Variants in COL24A1 observed in about 807,000 individuals in gnomAD.
The protein encoded by COL24A1 is collagen type XXIV alpha 1 chain, also known as collagen alpha-1(XXIV) chain.
COL24A1 carries 224 observed loss-of-function variants against 253.9 expected under a neutral mutation model. That is an observed-to-expected ratio of 0.88 (90% CI 0.79 to 0.99). COL24A1 has a LOEUF of 0.99. COL24A1 is among the 50% of genes least tolerant of loss of function. The probability of loss-of-function intolerance (pLI) is 0.00; values close to 1 mark genes in which losing one functional copy is unlikely to be tolerated. For missense variants in COL24A1, 2,131 were observed against 2,068.5 expected (o/e 1.03, Z -0.59); for synonymous variants, 685 against 673.7 (o/e 1.02, Z -0.26).
At chr1:86,112,871 C>T (rs1017415337) in intron 4 of COL24A1, among the ~76,000 whole-genome samples, 4 of 152,178 alleles carry the variant, frequency 2.6e-5, no homozygotes, top group African/African-American at 9.7e-5. Flanking sequence ...CTACTAATTT[C>T]CGTAGAAATT....
intron 52 of COL24A1, among the ~76,000 whole-genome samples, chr1:85,777,443 T>A (rs1308867667): frequency 6.6e-6 from 1 of 152,156 alleles, no homozygotes; most frequent in African/African-American, 2.4e-5. Context: ...CTTCTATGCA[T>A]CGCACTTAAC....
intron 47 of COL24A1, among the ~76,000 whole-genome samples, chr1:85,797,591 C>T (rs1670973085): frequency 6.6e-6 from 1 of 152,070 alleles, no homozygotes; most frequent in African/African-American, 2.4e-5. Context: ...ACTAAGATGC[C>T]TGGTTTGAAT....
intron 53 of COL24A1, among the ~76,000 whole-genome samples, chr1:85,774,464 C>T (rs566075593): frequency 6.6e-6 from 1 of 152,242 alleles, no homozygotes; most frequent in Admixed American, 6.5e-5. Flanking sequence ...CCTCCTTGTA[C>T]CTCTAGTAGA....
intron 10 of COL24A1, among the ~76,000 whole-genome samples, chr1:86,052,181 G>T (rs558393713): frequency 6.6e-6 from 1 of 152,022 alleles, no homozygotes; most frequent in South Asian, 2.1e-4. Context: ...CTAAATAAAG[G>T]TTTCTTATTT....
chr1:85,892,715 T>C (rs945472887), intron 31 of COL24A1, among the ~76,000 whole-genome samples: 2 of 152,014 alleles, frequency 1.3e-5, no homozygotes, highest in East Asian at 1.9e-4. Context: ...AATTATAGCA[T>C]AAAAAATATT....
chr1:85,840,893 C>G (rs555186283), intron 42 of COL24A1, among the ~76,000 whole-genome samples: 1 of 151,922 alleles, frequency 6.6e-6, no homozygotes, highest in Admixed American at 6.6e-5. Context: ...GTGATAATTA[C>G]AGAAATATGT....
At chr1:85,849,280 C>CA in intron 38 of COL24A1, 73 bp downstream of exon 38, 1 of 1,092,634 alleles carries the variant, frequency 9.2e-7, no homozygotes, top group East Asian at 2.4e-5. Flanking sequence ...AAATTAAAAA[C>CA]ATTACAGCAG....
chr1:85,769,799 A>C (rs1156803384), intron 53 of COL24A1, among the ~76,000 whole-genome samples: 1 of 152,168 alleles, frequency 6.6e-6, no homozygotes, highest in Non-Finnish European at 1.5e-5. Flanking sequence ...GGATAGCATG[A>C]CTGGTACCAC....
At chr1:85,760,735 G>A (rs71654722) in intron 55 of COL24A1, among the ~76,000 whole-genome samples, 5 of 152,178 alleles carry the variant, frequency 3.3e-5, no homozygotes, top group African/African-American at 4.8e-5. Context: ...GGAGGCTGGA[G>A]GAGTGGGGTG....
intron 47 of COL24A1, among the ~76,000 whole-genome samples, chr1:85,804,410 T>C (rs1206563982): frequency 1.3e-5 from 2 of 152,026 alleles, no homozygotes; most frequent in Non-Finnish European, 2.9e-5. Flanking sequence ...AGTCATCCAA[T>C]GGAAATGAGG....
chr1:85,953,256 A>G (rs1169752948), intron 24 of COL24A1, among the ~76,000 whole-genome samples: 2 of 152,114 alleles, frequency 1.3e-5, no homozygotes, highest in Non-Finnish European at 2.9e-5. Flanking sequence ...CCACCCCTCG[A>G]CCCCTTCTAT....
At position 86,141,876 on chromosome 1, in the gene COL24A1, T is replaced by C. The variant is rs572238476; in HGVS notation, c.121+4243A>G. 2.0e-5 allele frequency among the ~76,000 whole-genome samples: 3 copies of C among 152,208 alleles called. No homozygotes were observed. The South Asian group carries it at 6.2e-4, about 32-fold the overall frequency. Reference sequence around the variant, plus strand: ...CCACCACATCCGGCTAATGTTTTTGTATTTTCCAGTAGAGATGGGGTTTCA... The same window carrying C: ...CCACCACATCCGGCTAATGTTTTTGCATTTTCCAGTAGAGATGGGGTTTCA... On this transcript the variant is annotated intron_variant, in intron 2 of 59. Coordinates refer to ENST00000370571, the MANE Select transcript of COL24A1 (RefSeq NM_152890.7).
At chr1:86,016,556 A>C (rs933884181) in intron 19 of COL24A1, among the ~76,000 whole-genome samples, 1 of 152,220 alleles carries the variant, frequency 6.6e-6, no homozygotes, top group Non-Finnish European at 1.5e-5. Flanking sequence ...AGTGAGCTTC[A>C]GAAGTTTCAT....
chr1:85,977,596 A>G (rs1374104366), intron 20 of COL24A1, among the ~76,000 whole-genome samples: 2 of 152,210 alleles, frequency 1.3e-5, no homozygotes, highest in African/African-American at 4.8e-5. Flanking sequence ...TGTCAATAAT[A>G]GACTAGGACA....
intron 24 of COL24A1, among the ~76,000 whole-genome samples, chr1:85,927,281 G>C (rs1357323633): frequency 3.3e-5 from 5 of 152,208 alleles, no homozygotes; most frequent in African/African-American, 1.2e-4. Flanking sequence ...AGCGCAAGGA[G>C]TCAGGGAGTT....
intron 20 of COL24A1, among the ~76,000 whole-genome samples, chr1:85,972,025 C>T (rs527977344): frequency 5.3e-5 from 8 of 152,118 alleles, no homozygotes; most frequent in Admixed American, 6.6e-5. Flanking sequence ...AATGAAAACT[C>T]TTTCAAAGTT....
At chr1:85,906,112 T>C (rs1465336310) in intron 28 of COL24A1, among the ~76,000 whole-genome samples, 1 of 151,826 alleles carries the variant, frequency 6.6e-6, no homozygotes. Context: ...GGAAGGAAAA[T>C]AGTTTTTCAG....
chr1:86,112,528 T>C, intron 5 of COL24A1, 39 bp downstream of exon 5: 3 of 1,568,742 alleles, frequency 1.9e-6, no homozygotes, highest in Non-Finnish European at 2.6e-6. Flanking sequence ...AATCAGGTGA[T>C]ACTCATTAGC....
chr1:85,863,578 G>A (rs1284877728), intron 37 of COL24A1, among the ~76,000 whole-genome samples: 1 of 152,164 alleles, frequency 6.6e-6, no homozygotes, highest in Non-Finnish European at 1.5e-5. Context: ...AAGAGCTTCT[G>A]CACAGAAAAA....
Sources: gnomAD v4.1 joint callset for allele counts (sites outside exome capture counted in the v4.1 genomes callset) on GRCh38, gnomAD v4.1.1 for gene constraint, MANE v1.5 for transcripts, NCBI Gene and HGNC (gene_info 2026-07-23, HGNC 2026-07-21) for gene names.